TARP: variants seen among roughly 807,000 people sequenced by gnomAD.
At chr7:38,265,348 C>T in the TARP span, 6 of 1,601,974 alleles carry the variant, frequency 3.7e-6, no homozygotes, top group South Asian at 5.5e-5. Flanking sequence ...TAAACACATA[C>T]CTGTCTTTAT....
chr7:38,273,622 T>A, the TARP span: 2 of 1,598,232 alleles, frequency 1.3e-6, no homozygotes, highest in East Asian at 4.5e-5. Flanking sequence ...ACCAAATACC[T>A]TGATTTTTTT....
At chr7:38,262,467 G>T in the TARP span, among the ~76,000 whole-genome samples, 1 of 151,468 alleles carries the variant, frequency 6.6e-6, no homozygotes, top group Non-Finnish European at 1.5e-5. Flanking sequence ...CTGGAGTGTA[G>T]TATCCAAGAG....
chr7:38,265,772 G>T, the TARP span: 6 of 937,202 alleles, frequency 6.4e-6, no homozygotes, highest in Non-Finnish European at 9.6e-6. Context: ...ACCATAAAAA[G>T]AGAAGATGCC....
At chr7:38,271,616 T>C in the TARP span, among the ~76,000 whole-genome samples, 2 of 151,450 alleles carry the variant, frequency 1.3e-5, no homozygotes, top group African/African-American at 4.9e-5. Flanking sequence ...CTCTGTAGTT[T>C]TTACTTCATA....
chr7:38,264,524 G>C, the TARP span, among the ~76,000 whole-genome samples: 2 of 151,290 alleles, frequency 1.3e-5, no homozygotes, highest in African/African-American at 4.9e-5. Context: ...CCGGGAGGTG[G>C]AGGTTGCAGT....
chr7:38,268,486 C>G, the TARP span, among the ~76,000 whole-genome samples: 1 of 150,688 alleles, frequency 6.6e-6, no homozygotes, highest in Non-Finnish European at 1.5e-5. Context: ...ATGATGTTTC[C>G]AACTGGATTT....
At chr7:38,269,227 T>G in the TARP span, among the ~76,000 whole-genome samples, 2 of 151,796 alleles carry the variant, frequency 1.3e-5, no homozygotes, top group Middle Eastern at 3.2e-3. Flanking sequence ...GCCAGACATT[T>G]TAATGAGATC....
the TARP span, among the ~76,000 whole-genome samples, chr7:38,271,493 T>C: frequency 1.3e-5 from 2 of 151,054 alleles, no homozygotes; most frequent in Non-Finnish European, 2.9e-5. Flanking sequence ...CTGGAGGAGA[T>C]ATCGACATGA....
the TARP span, among the ~76,000 whole-genome samples, chr7:38,264,399 T>A: frequency 2.6e-5 from 4 of 151,650 alleles, no homozygotes; most frequent in Non-Finnish European, 4.4e-5. Flanking sequence ...GAGACCAGCC[T>A]GGCCAACATG....
At chr7:38,267,373 ATG>A in the TARP span, among the ~76,000 whole-genome samples, 1 of 152,010 alleles carries the variant, frequency 6.6e-6, no homozygotes. Context: ...GAAATTATAA[ATG>A]TTACAATTCT....
At chr7:38,267,294 G>T in the TARP span, among the ~76,000 whole-genome samples, 1 of 151,784 alleles carries the variant, frequency 6.6e-6, no homozygotes, top group South Asian at 2.1e-4. Context: ...AGCATCATAT[G>T]TTTACAAAGG....
At chr7:38,263,034 T>C in the TARP span, among the ~76,000 whole-genome samples, 1 of 151,478 alleles carries the variant, frequency 6.6e-6, no homozygotes, top group Admixed American at 6.6e-5. Flanking sequence ...AAATTTCTCA[T>C]CTAAGCAAAA....
chr7:38,269,596 A>T, the TARP span: 1 of 627,732 alleles, frequency 1.6e-6, no homozygotes, highest in Non-Finnish European at 2.8e-6. Flanking sequence ...AGTTCTTCAA[A>T]TTCTGGTGGT....
the TARP span, among the ~76,000 whole-genome samples, chr7:38,267,646 T>C: frequency 3.3e-5 from 5 of 150,972 alleles, no homozygotes; most frequent in Non-Finnish European, 3.0e-5. Flanking sequence ...CTCTTTGCTT[T>C]TAGTGCAAAT....
the TARP span, chr7:38,265,682 T>C: frequency 2.6e-5 from 41 of 1,563,508 alleles, no homozygotes; most frequent in Middle Eastern, 5.1e-4. Context: ...TGTTTATCTA[T>C]GGGGAGAAAT....
chr7:38,267,162 C>T, the TARP span, among the ~76,000 whole-genome samples: 1 of 151,640 alleles, frequency 6.6e-6, no homozygotes, highest in Non-Finnish European at 1.5e-5. Flanking sequence ...TGCTGCTTAA[C>T]TGTTTTAAAG....
At chr7:38,259,821 G>A in the TARP span, 7 of 427,616 alleles carry the variant, frequency 1.6e-5, no homozygotes, top group Non-Finnish European at 2.6e-5. Context: ...ACTATAGCAG[G>A]CGCTATTTGG....
the TARP span, chr7:38,269,599 C>T: frequency 1.6e-6 from 1 of 623,148 alleles, no homozygotes; most frequent in East Asian, 2.8e-5. Flanking sequence ...TCTTCAAATT[C>T]TGGTGGTCTG....
chr7:38,267,538 C>T, the TARP span, among the ~76,000 whole-genome samples: 1 of 150,790 alleles, frequency 6.6e-6, no homozygotes, highest in East Asian at 1.9e-4. Flanking sequence ...AGCAAAGCTT[C>T]TGATTTTCAT....
Sources: gnomAD v4.1 joint callset for allele counts (sites outside exome capture counted in the v4.1 genomes callset) on GRCh38, gnomAD v4.1.1 for gene constraint, MANE v1.5 for transcripts.